RSC1A1: variants seen among roughly 807,000 people sequenced by gnomAD.
RSC1A1 encodes the protein regulatory solute carrier protein family 1 member 1.
RSC1A1 carries 6 observed loss-of-function variants against 7.7 expected under a neutral mutation model. The ratio of observed to expected loss-of-function variants is 0.78; its 90% CI spans 0.43 to 1.53. RSC1A1 has a LOEUF of 1.53. Among genes scored for constraint, RSC1A1 ranks in the 40% most tolerant of loss-of-function variants. RSC1A1 has a pLI of 0.01. For synonymous variants in RSC1A1, 250 were observed against 263.0 expected, an observed-to-expected ratio of 0.95 and a Z score of 0.48; for missense variants, 729 against 726.3, an observed-to-expected ratio of 1.00 and a Z score of -0.04.
In RSC1A1 at chr1:15,660,151, A is replaced by G; in HGVS notation, c.283A>G (p.Met95Val). ...TGCTCCAACAGACCAGAGTCCAGCT[A>G]TGCCTATGCAGAATTCATCCGAAGA... ...DHAPTDQSPA[M>V]PMQNSSEEIT... Residue 95 changes from methionine (M) to valine (V), a missense_variant, in exon 1 of 1, where the codon ATG (methionine) becomes GTG (valine). By Grantham distance (21) the Met-to-Val change is conservative (BLOSUM62 1). Coordinates refer to ENST00000345034, the MANE Select transcript of RSC1A1 (RefSeq NM_006511.3). 8 of 1,614,234 alleles carry G rather than the reference A, an allele frequency of 5.0e-6. No individual in the cohort carries two copies. Among genetic ancestry groups the G allele is most frequent in the Non-Finnish European group, 6.8e-6 (8 of 1,180,040 alleles).
Position 15,661,441 on chromosome 1 carries a change from G to C in RSC1A1, c.1573G>C (p.Gly525Arg). The C allele has an allele frequency of 2.5e-6, 4 of 1,614,076 alleles. No homozygotes were observed. Among genetic ancestry groups the C allele is most frequent in the Non-Finnish European group, 3.4e-6 (4 of 1,180,008 alleles). ...CAATTTCATATTGGTTAAAGACTTA[G>C]GTCAGGGCATACAGAATTCAGTAAC... ...SSNFILVKDL[G>R]QGIQNSVTDR... The change falls in exon 1 of 1, where the codon GGT becomes CGT. Residue 525 changes from glycine to arginine, a missense_variant. By Grantham distance (125) the Gly-to-Arg change is moderately radical (BLOSUM62 -2). Coordinates refer to ENST00000345034, the MANE Select transcript of RSC1A1 (RefSeq NM_006511.3).
At position 15,660,216 on chromosome 1, in the gene RSC1A1, A is replaced by C. The variant is rs761593274; in HGVS notation, c.348A>C (p.Arg116Ser). The change falls in exon 1 of 1, where the codon AGA (arginine) becomes AGC (serine). Residue 116 changes from arginine to serine, a missense_variant. Coordinates refer to ENST00000345034, the MANE Select transcript of RSC1A1 (RefSeq NM_006511.3). ...VAGNLEKSAE[R>S]STQGLKFHLH... ...GTAATCTGGAGAAATCTGCTGAAAGAAGCACCCAGGGCCTCAAATTTCATC... is the reference window on the plus strand; with the variant it reads ...GTAATCTGGAGAAATCTGCTGAAAGCAGCACCCAGGGCCTCAAATTTCATC... 7.4e-6 allele frequency: 12 copies of C among 1,614,222 alleles called. No individual in the cohort carries two copies. The highest frequency in any genetic ancestry group is 1.0e-5 in the Non-Finnish European group (12 of 1,180,034).
In RSC1A1 at chr1:15,660,003, A is replaced by T; in HGVS notation, c.135A>T (p.Ser45=). 6.2e-7 allele frequency: 1 copy of T among 1,614,226 alleles called. No homozygotes were observed. The highest frequency in any genetic ancestry group is 8.5e-7 in the Non-Finnish European group (1 of 1,180,042). The part of the protein sequence containing the change: ...ASVCPIKPSD[S]DRIEPKAVKA... ...TCTGCCCTATCAAGCCCAGTGACTC[A>T]GATCGCATTGAACCTAAAGCTGTGA... The change falls in exon 1 of 1, where the codon TCA becomes TCT. Residue 45 remains serine (S), a synonymous_variant. Coordinates refer to ENST00000345034, the MANE Select transcript of RSC1A1 (RefSeq NM_006511.3).
Position 15,660,012 on chromosome 1 carries a change from T to G in RSC1A1, c.144T>G (p.Ile48Met). The G allele has an allele frequency of 6.2e-7, 1 of 1,614,220 alleles. No individual in the cohort carries two copies. The change falls in exon 1 of 1, where the codon ATT becomes ATG. Residue 48 changes from isoleucine to methionine, a missense_variant. Coordinates refer to ENST00000345034, the MANE Select transcript of RSC1A1 (RefSeq NM_006511.3). ...CPIKPSDSDR[I>M]EPKAVKALKA... Reference sequence around the variant, plus strand: ...TCAAGCCCAGTGACTCAGATCGCATTGAACCTAAAGCTGTGAAGGCTTTGA... The same window carrying G: ...TCAAGCCCAGTGACTCAGATCGCATGGAACCTAAAGCTGTGAAGGCTTTGA...
In RSC1A1 at chr1:15,660,295, C is replaced by G. The variant is rs1640345995; in HGVS notation, c.427C>G (p.Pro143Ala). The G allele has an allele frequency of 6.2e-7, 1 of 1,614,134 alleles. No individual in the cohort carries two copies. The highest frequency in any genetic ancestry group is 2.2e-5 in the East Asian group (1 of 44,888). Reference sequence around the variant, plus strand: ...TGTCACATCTACTAGGATGCATGAACCACAGATGTTTCTAGGTGAAAAGGA... The same window carrying G: ...TGTCACATCTACTAGGATGCATGAAGCACAGATGTTTCTAGGTGAAAAGGA... ...LSVTSTRMHE[P>A]QMFLGEKDWH... Residue 143 changes from proline (P) to alanine (A), a missense_variant, in exon 1 of 1, where the codon CCA becomes GCA. Coordinates refer to ENST00000345034, the MANE Select transcript of RSC1A1 (RefSeq NM_006511.3).
Position 15,660,328 on chromosome 1 carries a change from C to A in RSC1A1, c.460C>A (p.Pro154Thr), listed in dbSNP as rs1640346769. The A allele has an allele frequency of 1.9e-6, 3 of 1,613,972 alleles. No homozygotes were observed. Among genetic ancestry groups the A allele is most frequent in the African/African-American group, 1.3e-5 (1 of 74,898 alleles). Residue 154 changes from proline to threonine, a missense_variant, in exon 1 of 1, where the codon CCA becomes ACA. Coordinates refer to ENST00000345034, the MANE Select transcript of RSC1A1 (RefSeq NM_006511.3). ...QMFLGEKDWH[P>T]ENQNLSQVSD... ...GTTTCTAGGTGAAAAGGATTGGCAT[C>A]CAGAAAATCAGAACCTGAGTCAAGT... is the stretch of plus-strand genomic sequence containing the variant.
chr1:15,660,690 C>T lies in RSC1A1; in HGVS notation c.822C>T (p.Asn274=). ...GCAGGCAGAATGCCAATGTCAAGAACATTGGTGCATTGGATCTCACTTTAG... is the reference window on the plus strand; with the variant it reads ...GCAGGCAGAATGCCAATGTCAAGAATATTGGTGCATTGGATCTCACTTTAG... The part of the protein sequence containing the change: ...STGRQNANVK[N]IGALDLTLDN... Residue 274 remains asparagine (N), a synonymous_variant, in exon 1 of 1, where the codon AAC becomes AAT. Transcript: ENST00000345034. The T allele has an allele frequency of 6.2e-7, 1 of 1,614,160 alleles. No individual in the cohort carries two copies. The highest frequency in any genetic ancestry group is 8.5e-7 in the Non-Finnish European group (1 of 1,180,046).
Position 15,660,565 on chromosome 1 carries a change from A to G in RSC1A1, c.697A>G (p.Ser233Gly). The G allele has an allele frequency of 6.2e-7, 1 of 1,613,450 alleles. No individual in the cohort carries two copies. Among genetic ancestry groups the G allele is most frequent in the East Asian group, 2.2e-5 (1 of 44,890 alleles). ...TGTGGATCCTCCAAGTGCGAAGAAA[A>G]GTATTCCATCTTCAGAATGCAGTGG... ...QNVDPPSAKKSIPSSECSGCS... is the reference protein window; with the variant it reads ...QNVDPPSAKKGIPSSECSGCS... The change falls in exon 1 of 1, where the codon AGT (serine) becomes GGT (glycine). Residue 233 changes from serine to glycine, a missense_variant. Transcript: ENST00000345034.
Position 15,660,560 on chromosome 1 carries a change from A to C in RSC1A1, c.692A>C (p.Lys231Thr). Residue 231 changes from lysine to threonine, a missense_variant, in exon 1 of 1, where the codon AAG becomes ACG. Physicochemically the swap from Lys to Thr is moderately conservative, Grantham distance 78. Transcript: ENST00000345034. ...LPQNVDPPSAKKSIPSSECSG... is the reference protein window; with the variant it reads ...LPQNVDPPSATKSIPSSECSG... ...CAGAATGTGGATCCTCCAAGTGCGA[A>C]GAAAAGTATTCCATCTTCAGAATGC... 1 of 1,613,294 alleles carries C rather than the reference A, an allele frequency of 6.2e-7. No individual in the cohort carries two copies. The highest frequency in any genetic ancestry group is 8.5e-7 in the Non-Finnish European group (1 of 1,179,762).
At position 15,661,267 on chromosome 1, in the gene RSC1A1, A is replaced by G; in HGVS notation, c.1399A>G (p.Ile467Val). 1 of 1,614,220 alleles carries G rather than the reference A, an allele frequency of 6.2e-7. No individual in the cohort carries two copies. Residue 467 changes from isoleucine (I) to valine (V), a missense_variant, in exon 1 of 1, where the codon ATA becomes GTA. By Grantham distance (29) the Ile-to-Val change is conservative. Coordinates refer to ENST00000345034, the MANE Select transcript of RSC1A1 (RefSeq NM_006511.3). ...KEGVPKSRES[I>V]NKNRSVTVTS... ...AGGTGTCCCCAAATCTAGGGAATCC[A>G]TAAATAAGAACCGTTCTGTCACTGT... is the stretch of plus-strand genomic sequence containing the variant.
In RSC1A1 at chr1:15,660,495, T is replaced by A. The variant is rs145955439; in HGVS notation, c.627T>A (p.Ile209=). ...AAAGGCAACAGAATCAACACAAAAT[T>A]GTTGATTTGGAAGCTACGATGAAAG... ...PEERQQNQHK[I]VDLEATMKGN... The change falls in exon 1 of 1, where the codon ATT becomes ATA. Residue 209 remains isoleucine (I), a synonymous_variant. Transcript: ENST00000345034. 2.2e-5 allele frequency: 36 copies of A among 1,613,758 alleles called. No homozygotes were observed. The highest frequency in any genetic ancestry group is 3.1e-5 in the Non-Finnish European group (36 of 1,179,970).
chr1:15,661,967 C>T lies in RSC1A1; in HGVS notation c.*245C>T. 1 of 412,780 alleles carries T rather than the reference C, an allele frequency of 2.4e-6. No individual in the cohort carries two copies. The highest frequency in any genetic ancestry group is 4.2e-6 in the Non-Finnish European group (1 of 239,588). 25.6% of individuals were successfully genotyped at this position (412,780 alleles called of 1,614,324 possible). ...TTTTTAAATGTATTGGCAGTATGTG[C>T]ATACAGAAGCTTTTTATTCTCATTA... On this transcript the variant is annotated 3_prime_UTR_variant, in exon 1 of 1. Transcript: ENST00000345034.
rs548458944 is a variant in RSC1A1, at chr1:15,659,770, T to G, written c.-99T>G. On this transcript the variant is annotated 5_prime_UTR_variant, in exon 1 of 1. Transcript: ENST00000345034. ...TTCTACGCTGTTTAGATTTGTATCC[T>G]CTGGTAATTTAGTGGCATTAGTCAC... The G allele has an allele frequency of 6.9e-7, 1 of 1,449,882 alleles. No homozygotes were observed. The highest frequency in any genetic ancestry group is 2.5e-5 in the Admixed American group (1 of 39,420). The allele number at this position is 1,449,882 out of a possible 1,614,324, so 89.8% of individuals were successfully genotyped here. A position where few individuals can be genotyped will look rare whatever the true frequency, so the allele number is the denominator to read the frequency against.
chr1:15,661,015 GAAACCATAGCTGAGGGCC>G lies in RSC1A1; in HGVS notation c.1154_1171del (p.Ile385_Thr390del). ...ATCTGAAGAAGTAATCTGTCAATCA[GAAACCATAGCTGAGGGCC>G]AAACCAGTATTAAAGACCTTTCTGA... On this transcript the variant is annotated inframe_deletion, in exon 1 of 1. Transcript: ENST00000345034. The G allele has an allele frequency of 6.2e-7, 1 of 1,614,054 alleles. No homozygotes were observed. The highest frequency in any genetic ancestry group is 8.5e-7 in the Non-Finnish European group (1 of 1,179,982).
rs1640331933 is a variant in RSC1A1, at chr1:15,659,785, G to A, written c.-84G>A. The A allele has an allele frequency of 1.4e-6, 2 of 1,468,156 alleles. No individual in the cohort carries two copies. Among genetic ancestry groups the A allele is most frequent in the Non-Finnish European group, 1.8e-6 (2 of 1,115,254 alleles). The allele number at this position is 1,468,156 out of a possible 1,614,324, so 90.9% of individuals were successfully genotyped here. On this transcript the variant is annotated 5_prime_UTR_variant, in exon 1 of 1. Transcript: ENST00000345034. Reference sequence around the variant, plus strand: ...ATTTGTATCCTCTGGTAATTTAGTGGCATTAGTCACCTGCTAATTAATCTT... The same window carrying A: ...ATTTGTATCCTCTGGTAATTTAGTGACATTAGTCACCTGCTAATTAATCTT...
rs754657774 is a variant in RSC1A1, at chr1:15,661,406, C to G, written c.1538C>G (p.Ser513Cys). 2.5e-6 allele frequency: 4 copies of G among 1,614,164 alleles called. No individual in the cohort carries two copies. The highest frequency in any genetic ancestry group is 1.7e-5 in the Admixed American group (1 of 60,008). ...AATCAGACTTCTGAGCAAACTAAGT[C>G]TTTGTCATCCAATTTCATATTGGTT... ...ALNQTSEQTK[S>C]LSSNFILVKD... Residue 513 changes from serine (S) to cysteine (C), a missense_variant, in exon 1 of 1, where the codon TCT becomes TGT. Coordinates refer to ENST00000345034, the MANE Select transcript of RSC1A1 (RefSeq NM_006511.3).
At position 15,660,532 on chromosome 1, in the gene RSC1A1, C is replaced by A. The variant is rs1445856270; in HGVS notation, c.664C>A (p.Pro222Thr). ...AGCTACGATGAAAGGAAATGGGCTC[C>A]CACAGAATGTGGATCCTCCAAGTGC... ...LEATMKGNGLPQNVDPPSAKK... is the reference protein window; with the variant it reads ...LEATMKGNGLTQNVDPPSAKK... Residue 222 changes from proline (P) to threonine (T), a missense_variant, in exon 1 of 1, where the codon CCA becomes ACA. Pro to Thr is a conservative substitution (Grantham distance 38). Coordinates refer to ENST00000345034, the MANE Select transcript of RSC1A1 (RefSeq NM_006511.3). 2 of 1,612,996 alleles carry A rather than the reference C, an allele frequency of 1.2e-6. No homozygotes were observed. Among genetic ancestry groups the A allele is most frequent in the African/African-American group, 2.7e-5 (2 of 74,826 alleles).
chr1:15,660,150 T>C lies in RSC1A1; in HGVS notation c.282T>C (p.Ala94=). 1 of 1,614,218 alleles carries C rather than the reference T, an allele frequency of 6.2e-7. No individual in the cohort carries two copies. The highest frequency in any genetic ancestry group is 1.3e-5 in the African/African-American group (1 of 75,068). ...ADHAPTDQSP[A]MPMQNSSEEI... is the part of the protein sequence containing the mutation. ...ATGCTCCAACAGACCAGAGTCCAGC[T>C]ATGCCTATGCAGAATTCATCCGAAG... Residue 94 remains alanine, a synonymous_variant, in exon 1 of 1, where the codon GCT becomes GCC. Coordinates refer to ENST00000345034, the MANE Select transcript of RSC1A1 (RefSeq NM_006511.3).
In RSC1A1 at chr1:15,660,451, G is replaced by A. The variant is rs1442938781; in HGVS notation, c.583G>A (p.Asp195Asn). ...HDQEYLCNIGDLELPEERQQN... is the reference protein window; with the variant it reads ...HDQEYLCNIGNLELPEERQQN... The stretch of plus-strand genomic sequence containing the variant: ...CCAAGAATATCTTTGTAACATAGGG[G>A]ACCTTGAGCTTCCTGAAGAAAGGCA... Residue 195 changes from aspartate (D) to asparagine (N), a missense_variant, in exon 1 of 1, where the codon GAC becomes AAC. By Grantham distance (23) the Asp-to-Asn change is conservative (BLOSUM62 1). Coordinates refer to ENST00000345034, the MANE Select transcript of RSC1A1 (RefSeq NM_006511.3). 6.2e-7 allele frequency: 1 copy of A among 1,614,004 alleles called. No individual in the cohort carries two copies. The highest frequency in any genetic ancestry group is 8.5e-7 in the Non-Finnish European group (1 of 1,180,022).
Sources: allele counts gnomAD v4.1 joint callset, GRCh38; gene constraint gnomAD v4.1.1; transcripts MANE v1.5; gene names NCBI Gene and HGNC (gene_info 2026-07-23, HGNC 2026-07-21).